Variants in NRXN3 observed in about 807,000 individuals in gnomAD.
NRXN3 encodes neurexin III.
A neutral mutation model predicts 137.6 loss-of-function variants in NRXN3; 32 were observed. That is an observed-to-expected ratio of 0.23 (90% confidence interval 0.18 to 0.31). The LOEUF (loss-of-function observed/expected upper bound fraction) is 0.31, where lower values mean the gene tolerates loss of function less well. Ranked by LOEUF, NRXN3 falls within the 10% of genes least tolerant of loss-of-function variation. The probability of loss-of-function intolerance (pLI) is 1.00; values close to 1 mark genes in which losing one functional copy is unlikely to be tolerated. For missense variants in NRXN3, 1,574 were observed against 2,062.5 expected (o/e 0.76, Z 4.59); for synonymous variants, 798 against 784.5 (o/e 1.02, Z -0.29).
At chr14:79,465,651 A>C (rs112773570) in intron 15 of NRXN3, among the ~76,000 whole-genome samples, 1 of 152,222 alleles carries the variant, frequency 6.6e-6, no homozygotes, top group Non-Finnish European at 1.5e-5. Context: ...AATTCTACCT[A>C]ATATTCTCTG....
intron 17 of NRXN3, among the ~76,000 whole-genome samples, chr14:79,670,791 C>T (rs532212858): frequency 1.3e-5 from 2 of 152,192 alleles, no homozygotes; most frequent in African/African-American, 2.4e-5. Context: ...ATTGTACCTG[C>T]AGGTGTATTG....
intron 4 of NRXN3, among the ~76,000 whole-genome samples, chr14:78,557,529 A>T (rs1000245476): frequency 6.6e-5 from 10 of 152,184 alleles, no homozygotes; most frequent in African/African-American, 2.4e-4. Context: ...GCTAACAGTG[A>T]CTAGTTTGTT....
chr14:79,811,585 T>TTC (rs1555754743), intron 20 of NRXN3, among the ~76,000 whole-genome samples: 1 of 138,550 alleles, frequency 7.2e-6, no homozygotes, highest in African/African-American at 2.9e-5. Context: ...TTTTTTCTTT[T>TTC]TTTTTTTTTT....
At chr14:79,710,134 C>T (rs1371385991) in intron 19 of NRXN3, among the ~76,000 whole-genome samples, 1 of 152,094 alleles carries the variant, frequency 6.6e-6, no homozygotes, top group Non-Finnish European at 1.5e-5. Context: ...ATGCCTCCAT[C>T]TGCGGCTTCT....
intron 10 of NRXN3, among the ~76,000 whole-genome samples, chr14:78,937,512 C>T (rs910251665): frequency 6.6e-6 from 1 of 152,158 alleles, no homozygotes; most frequent in Non-Finnish European, 1.5e-5. Context: ...CTTAATTGAA[C>T]ATTATATGAT....
At position 79,856,139 on chromosome 14, in the gene NRXN3, G is replaced by A. The variant is rs527324443; in HGVS notation, c.4094-5203G>A. Among the ~76,000 whole-genome samples the A allele has an allele frequency of 2.5e-3, 377 of 152,212 alleles. 8 individuals are homozygous for A. Among genetic ancestry groups the A allele is most frequent in the Non-Finnish European group, 4.6e-4 (31 of 68,004 alleles). On this transcript the variant is annotated intron_variant, in intron 20 of 20. Transcript: ENST00000335750. ...TGGGGTGGAAGGGTGGTGGGGAAGC[G>A]AGGGAGAATGCCCTACCTAGAAATT...
At position 78,988,076 on chromosome 14, in the gene NRXN3, A is replaced by C. The variant is rs1250048718; in HGVS notation, c.3197A>C (p.Gln1066Pro). Reference protein sequence around the residue: ...DSCANQGVCMQQWEGFTCDCS... With the variant: ...DSCANQGVCMPQWEGFTCDCS... ...TGTGCCAACCAGGGGGTCTGCATGCAACAATGGGAGGGCTTCACCTGTGAT... is the reference window on the plus strand; with the variant it reads ...TGTGCCAACCAGGGGGTCTGCATGCCACAATGGGAGGGCTTCACCTGTGAT... The change falls in exon 15 of 21, where the codon CAA (glutamine) becomes CCA (proline). Residue 1066 changes from glutamine to proline, a missense_variant. Around this residue, in one of 5 missense-constraint regions of NRXN3, gnomAD observed 718 missense variants for 887.6 expected, o/e 0.81. Coordinates refer to ENST00000335750, the MANE Select transcript of NRXN3 (RefSeq NM_001330195.2). 1.2e-6 allele frequency: 2 copies of C among 1,613,854 alleles called. No individual in the cohort carries two copies. The highest frequency in any genetic ancestry group is 8.5e-7 in the Non-Finnish European group (1 of 1,179,932).
At chr14:78,957,599 T>C (rs2099399325) in intron 11 of NRXN3, among the ~76,000 whole-genome samples, 1 of 152,196 alleles carries the variant, frequency 6.6e-6, no homozygotes, top group African/African-American at 2.4e-5. Flanking sequence ...TATGGGTCTC[T>C]CTCCTTAGGC....
intron 16 of NRXN3, among the ~76,000 whole-genome samples, chr14:79,635,505 A>AT (rs2098396970): frequency 6.6e-6 from 1 of 152,106 alleles, no homozygotes; most frequent in Non-Finnish European, 1.5e-5. Flanking sequence ...AACAAGACTT[A>AT]TTTTTTTCCT....
At chr14:79,017,379 C>A (rs1466165932) in intron 15 of NRXN3, among the ~76,000 whole-genome samples, 1 of 151,708 alleles carries the variant, frequency 6.6e-6, no homozygotes, top group East Asian at 1.9e-4. Flanking sequence ...AATTATCCTG[C>A]CTCATCTACC....
chr14:79,702,462 T>A (rs73329978), intron 19 of NRXN3, among the ~76,000 whole-genome samples: 3,704 of 152,026 alleles, frequency 0.024, 164 homozygotes, highest in African/African-American at 0.084. Flanking sequence ...TAGGCCTTGT[T>A]GTAAAAAGAG....
chr14:79,708,517 A>G (rs962058568), intron 19 of NRXN3, among the ~76,000 whole-genome samples: 2 of 151,864 alleles, frequency 1.3e-5, no homozygotes, highest in South Asian at 2.1e-4. Context: ...TTTTCTGAAA[A>G]TATATGATGT....
At chr14:78,476,177 C>G (rs11851070) in intron 4 of NRXN3, among the ~76,000 whole-genome samples, 126,054 of 152,214 alleles carry the variant, frequency 0.83, 54,208 homozygotes, top group Non-Finnish European at 0.94. Flanking sequence ...AGTGATAAGA[C>G]AAGTTTTGTA....
chr14:78,234,411 T>A (rs2065889840), intron 1 of NRXN3, among the ~76,000 whole-genome samples: 1 of 152,220 alleles, frequency 6.6e-6, no homozygotes, highest in South Asian at 2.1e-4. Flanking sequence ...GTATGATAAT[T>A]CATTGTTATC....
rs1306002983 is a variant in NRXN3, at chr14:78,193,828, C to G, written c.-704+23154C>G. Among the ~76,000 whole-genome samples the G allele has an allele frequency of 2.0e-5, 3 of 151,252 alleles. No homozygotes were observed. The East Asian group carries it at 5.9e-4, about 30-fold the overall frequency. The stretch of plus-strand genomic sequence containing the variant: ...AGACAGAGTTCAGAGTTCAAGGCAT[C>G]TGGCAGCCCCTGCCCTTGGAAAGCC... On this transcript the variant is annotated intron_variant, in intron 1 of 20. Coordinates refer to ENST00000335750, the MANE Select transcript of NRXN3 (RefSeq NM_001330195.2).
At chr14:78,489,338 A>G (rs1026593374) in intron 4 of NRXN3, among the ~76,000 whole-genome samples, 12 of 152,186 alleles carry the variant, frequency 7.9e-5, no homozygotes, top group Non-Finnish European at 1.2e-4. Context: ...AGAACCCAGC[A>G]CTGTCCTCCT....
intron 15 of NRXN3, among the ~76,000 whole-genome samples, chr14:79,249,230 T>A (rs375674463): frequency 1.3e-5 from 2 of 152,100 alleles, no homozygotes; most frequent in East Asian, 1.9e-4. Flanking sequence ...AGAGAAAAAA[T>A]ACATTATCTC....
At chr14:79,333,502 G>T (rs574972264) in intron 15 of NRXN3, among the ~76,000 whole-genome samples, 4 of 152,282 alleles carry the variant, frequency 2.6e-5, no homozygotes, top group Admixed American at 1.3e-4. Flanking sequence ...TGCTGATTAA[G>T]ATGATGTAGT....
At chr14:79,661,759 C>T (rs1282915520) in intron 16 of NRXN3, 4 of 151,302 alleles carry the variant, frequency 2.6e-5, no homozygotes, top group African/African-American at 4.9e-5. Flanking sequence ...TCTGGTTTTC[C>T]TCCTTCTCTT....
Sources: allele counts gnomAD v4.1 joint callset (sites outside exome capture counted in the v4.1 genomes callset), GRCh38; gene constraint gnomAD v4.1.1; regional missense constraint gnomAD v4.1.1; transcripts MANE v1.5; gene names NCBI Gene and HGNC (gene_info 2026-07-23, HGNC 2026-07-21).